The following SOX5 variants were observed in gnomAD, a reference collection of about 807,000 sequenced individuals.
SOX5 encodes transcription factor SOX-5.
In SOX5, 9 loss-of-function variants were observed where a neutral mutation model predicts 92.0. The ratio of observed to expected loss-of-function variants is 0.10; its 90% confidence interval spans 0.06 to 0.17. The LOEUF (loss-of-function observed/expected upper bound fraction) is 0.17. SOX5 is among the 10% of genes least tolerant of loss of function. The pLI, the probability that SOX5 is intolerant of heterozygous loss-of-function variation, is 1.00. For missense variants in SOX5, 642 were observed against 944.5 expected (o/e 0.68, Z 4.20); for synonymous variants, 344 against 336.3 (o/e 1.02, Z -0.25).
chr12:23,553,573 A>T lies in SOX5; in HGVS notation c.1489-7149T>A, dbSNP rs1017989747. Among the ~76,000 whole-genome samples, 35 of 152,068 alleles carry T rather than the reference A, an allele frequency of 2.3e-4. 2 individuals carry two copies. The highest frequency in any genetic ancestry group is 7.7e-4 in the African/African-American group (32 of 41,442). On this transcript the variant is annotated intron_variant, in intron 11 of 14. Transcript: ENST00000451604. ...AAAAAAACAAAACCTGGGATTTTAAATGTCTTTATATATGGTCAGGCTTCA... is the reference window on the plus strand; with the variant it reads ...AAAAAAACAAAACCTGGGATTTTAATTGTCTTTATATATGGTCAGGCTTCA...
intron 2 of SOX5, among the ~76,000 whole-genome samples, chr12:23,867,578 AACTC>A (rs1266067043): frequency 6.6e-6 from 1 of 152,084 alleles, no homozygotes; most frequent in Non-Finnish European, 1.5e-5. Context: ...ATCATTCTAA[AACTC>A]TTACTAGAAC....
chr12:23,749,231 T>C (rs1048239885), intron 4 of SOX5, among the ~76,000 whole-genome samples: 1 of 151,934 alleles, frequency 6.6e-6, no homozygotes, highest in Admixed American at 6.6e-5. Flanking sequence ...TTTAGCTACA[T>C]ATTCTTTACT....
chr12:24,454,789 CTA>C (rs1419019012), intron 1 of SOX5, among the ~76,000 whole-genome samples: 3 of 151,530 alleles, frequency 2.0e-5, no homozygotes, highest in Non-Finnish European at 2.9e-5. Flanking sequence ...GTAATAATAA[CTA>C]ATTTTTTTTC....
chr12:24,042,325 T>C (rs1359865289), intron 4 of SOX5, among the ~76,000 whole-genome samples: 1 of 152,098 alleles, frequency 6.6e-6, no homozygotes, highest in African/African-American at 2.4e-5. Context: ...AAAGCAGTAA[T>C]AAAGAAGTTA....
At chr12:24,446,704 G>A (rs191049139) in intron 1 of SOX5, among the ~76,000 whole-genome samples, 17 of 152,292 alleles carry the variant, frequency 1.1e-4, no homozygotes, top group Non-Finnish European at 2.4e-4. Context: ...CACAGAGCAG[G>A]CAAGAGGTGA....
chr12:24,303,858 C>T (rs529650934), intron 2 of SOX5, among the ~76,000 whole-genome samples: 1 of 152,052 alleles, frequency 6.6e-6, no homozygotes, highest in Non-Finnish European at 1.5e-5. Flanking sequence ...CTGCCAACCA[C>T]AATAGGTAAA....
At chr12:23,793,699 C>T (rs1486986211) in intron 3 of SOX5, among the ~76,000 whole-genome samples, 1 of 152,112 alleles carries the variant, frequency 6.6e-6, no homozygotes, top group East Asian at 1.9e-4. Flanking sequence ...ATTAAATGTC[C>T]ATATATCATA....
chr12:24,062,092 T>C (rs17485232), intron 4 of SOX5, among the ~76,000 whole-genome samples: 13,602 of 152,184 alleles, frequency 0.089, 692 homozygotes, highest in Non-Finnish European at 0.11. Flanking sequence ...GGTGTACATA[T>C]TGTAGGCTCA....
chr12:24,428,212 C>CAA lies in SOX5; in HGVS notation c.-250-59575_-250-59574dup, dbSNP rs75812981. Among the ~76,000 whole-genome samples, 1,000 of 134,026 alleles carry CAA rather than the reference C, an allele frequency of 7.5e-3. 9 individuals carry two copies. Among genetic ancestry groups the CAA allele is most frequent in the African/African-American group, 0.022 (817 of 36,354 alleles). 87.9% of individuals were successfully genotyped at this position (134,026 alleles called of 152,430 possible). A position where few individuals can be genotyped will look rare whatever the true frequency, so the allele number is the denominator to read the frequency against. ...GAAGAGGTAAAACAAACCCAAAAAC[C>CAA]AAAAAAAAAAAAAACCTGAGTTTAC... On this transcript the variant is annotated intron_variant, in intron 1 of 4. Transcript: ENST00000446891.
At chr12:24,327,542 A>G (rs549385591) in intron 2 of SOX5, among the ~76,000 whole-genome samples, 2 of 150,932 alleles carry the variant, frequency 1.3e-5, no homozygotes, top group African/African-American at 2.4e-5. Flanking sequence ...CAGCCTCCCA[A>G]GTAGCTGGGA....
At chr12:24,343,709 T>A (rs990262518) in intron 2 of SOX5, among the ~76,000 whole-genome samples, 1 of 152,032 alleles carries the variant, frequency 6.6e-6, no homozygotes, top group Admixed American at 6.5e-5. Flanking sequence ...AACTAATAAT[T>A]GAATGAATGT....
intron 1 of SOX5, among the ~76,000 whole-genome samples, chr12:24,418,503 A>C (rs1965400401): frequency 1.3e-5 from 2 of 152,230 alleles, no homozygotes. Flanking sequence ...AAAGAGAGCC[A>C]CTGGAAGAGA....
chr12:24,432,236 A>C (rs1212201311), intron 1 of SOX5, among the ~76,000 whole-genome samples: 2 of 152,112 alleles, frequency 1.3e-5, no homozygotes, highest in African/African-American at 2.4e-5. Flanking sequence ...CTGGTGCTGT[A>C]AGTCTGGTCA....
chr12:24,118,750 C>A (rs1201512897), intron 4 of SOX5, among the ~76,000 whole-genome samples: 1 of 152,094 alleles, frequency 6.6e-6, no homozygotes, highest in Non-Finnish European at 1.5e-5. Context: ...AAGGCATTTA[C>A]TGTGTCAAGA....
intron 4 of SOX5, among the ~76,000 whole-genome samples, chr12:24,058,501 A>T (rs956536267): frequency 6.6e-6 from 1 of 152,190 alleles, no homozygotes; most frequent in Admixed American, 6.5e-5. Flanking sequence ...ACTTGTTTTT[A>T]TACTAAATAC....
intron 4 of SOX5, among the ~76,000 whole-genome samples, chr12:24,090,275 G>C (rs528091212): frequency 2.0e-5 from 3 of 152,056 alleles, no homozygotes; most frequent in Admixed American, 2.0e-4. Context: ...TTCAAAATCA[G>C]TGAAAGTTAT....
In SOX5 at chr12:24,150,317, T is replaced by C. The variant is rs369196123; in HGVS notation, c.-2+63026A>G. On this transcript the variant is annotated intron_variant, in intron 4 of 4. Coordinates refer to the SOX5 transcript ENST00000446891. ...TCAGAAGGTGCTAAATAAATACTTT[T>C]GTAATGAAGAGTCTTACAAGGATGT... Among the ~76,000 whole-genome samples the C allele has an allele frequency of 5.9e-5, 9 of 152,294 alleles. No homozygotes were observed. The East Asian group carries it at 1.3e-3, about 23-fold the overall frequency.
chr12:23,557,125 G>T (rs1029174895), intron 11 of SOX5, among the ~76,000 whole-genome samples: 33 of 152,162 alleles, frequency 2.2e-4, no homozygotes, highest in African/African-American at 7.7e-4. Flanking sequence ...GGAAAGAGGT[G>T]GTTGTAATGG....
chr12:24,346,015 C>T (rs1431032814), intron 2 of SOX5, among the ~76,000 whole-genome samples: 1 of 152,186 alleles, frequency 6.6e-6, no homozygotes, highest in Non-Finnish European at 1.5e-5. Context: ...TCTATGTTGG[C>T]TTATCTGATC....
Sources: gnomAD v4.1 joint callset for allele counts (sites outside exome capture counted in the v4.1 genomes callset) on GRCh38, gnomAD v4.1.1 for gene constraint, MANE v1.5 for transcripts, NCBI Gene and HGNC (gene_info 2026-07-23, HGNC 2026-07-21) for gene names.